CNTNAP5: variants seen among roughly 807,000 people sequenced by gnomAD.
The protein encoded by CNTNAP5 is contactin associated protein family member 5, also known as contactin-associated protein-like 5.
CNTNAP5 carries 72 observed loss-of-function variants against 150.2 expected under a neutral mutation model. The ratio of observed to expected loss-of-function variants is 0.48; its 90% CI spans 0.40 to 0.58. CNTNAP5 has a LOEUF of 0.58. CNTNAP5 is among the 20% of genes least tolerant of loss of function. CNTNAP5 has a pLI of 0.00. For missense variants in CNTNAP5, 1,636 were observed against 1,626.2 expected (o/e 1.01, Z -0.10); for synonymous variants, 672 against 619.8 (o/e 1.08, Z -1.25).
chr2:124,025,520 A>G lies in CNTNAP5; in HGVS notation c.-131A>G. On this transcript the variant is annotated 5_prime_UTR_variant, in exon 1 of 24. Transcript: ENST00000682447. ...GCGTCTGGGCACGGGATGGAGTGAAAGAGCGAGTGCCTCTCCAAGCGGGGG... is the reference window on the plus strand; with the variant it reads ...GCGTCTGGGCACGGGATGGAGTGAAGGAGCGAGTGCCTCTCCAAGCGGGGG... 1 of 720,804 alleles carries G rather than the reference A, an allele frequency of 1.4e-6. No individual in the cohort carries two copies. The highest frequency in any genetic ancestry group is 2.4e-6 in the Non-Finnish European group (1 of 410,766). The allele number at this position is 720,804 out of a possible 1,614,324, so 44.7% of individuals were successfully genotyped here.
chr2:124,025,705 T>C lies in CNTNAP5; in HGVS notation c.55T>C (p.Trp19Arg), dbSNP rs1167264055. The C allele has an allele frequency of 6.2e-7, 1 of 1,613,620 alleles. No homozygotes were observed. The highest frequency in any genetic ancestry group is 1.1e-5 in the South Asian group (1 of 91,066). Reference protein sequence around the residue: ...SVLTLLFSGLWHLGLTATNYN... With the variant: ...SVLTLLFSGLRHLGLTATNYN... ...TTTGACTTTGCTGTTCTCTGGCTTG[T>C]GGCATTTAGGATTAACAGCGACAAA... The change falls in exon 1 of 24, where the codon TGG becomes CGG. Residue 19 changes from tryptophan to arginine, a missense_variant. Physicochemically the swap from Trp to Arg is moderately radical, Grantham distance 101. Coordinates refer to ENST00000682447, the MANE Select transcript of CNTNAP5 (RefSeq NM_001367498.1).
At chr2:124,533,717 CCTCT>C (rs999720710) in intron 10 of CNTNAP5, among the ~76,000 whole-genome samples, 4 of 152,160 alleles carry the variant, frequency 2.6e-5, no homozygotes, top group Non-Finnish European at 5.9e-5. Context: ...TCCTGATCTT[CCTCT>C]CTCAGCTCCT....
chr2:124,138,904 C>T (rs1684039226), intron 1 of CNTNAP5, among the ~76,000 whole-genome samples: 1 of 151,862 alleles, frequency 6.6e-6, no homozygotes, highest in Non-Finnish European at 1.5e-5. Context: ...CCATGTCCTG[C>T]CCATCAGTAG....
intron 11 of CNTNAP5, among the ~76,000 whole-genome samples, chr2:124,590,205 A>G (rs1467716038): frequency 6.6e-6 from 1 of 152,164 alleles, no homozygotes; most frequent in Non-Finnish European, 1.5e-5. Flanking sequence ...TTTATAAATT[A>G]CTAGGTCTCA....
chr2:124,592,920 A>G (rs1195289017), intron 11 of CNTNAP5, among the ~76,000 whole-genome samples: 2 of 151,594 alleles, frequency 1.3e-5, no homozygotes, highest in African/African-American at 4.8e-5. Context: ...TGTTTATTGT[A>G]TCTTTTGCCA....
At chr2:124,581,558 A>G (rs1309264113) in intron 11 of CNTNAP5, among the ~76,000 whole-genome samples, 1 of 152,230 alleles carries the variant, frequency 6.6e-6, no homozygotes, top group Non-Finnish European at 1.5e-5. Context: ...TTCAGGCGGC[A>G]GGGACTGAGA....
chr2:124,617,384 G>A (rs1242857695), intron 12 of CNTNAP5, among the ~76,000 whole-genome samples: 1 of 152,150 alleles, frequency 6.6e-6, no homozygotes, highest in African/African-American at 2.4e-5. Context: ...CCTGTAGGGT[G>A]AATCTCTTCT....
intron 13 of CNTNAP5, among the ~76,000 whole-genome samples, chr2:124,699,617 AG>A (rs1485704450): frequency 6.6e-6 from 1 of 152,166 alleles, no homozygotes; most frequent in Non-Finnish European, 1.5e-5. Context: ...TCACTGCTTC[AG>A]TAACCCATAC....
At chr2:124,526,401 C>A (rs1477424810) in intron 9 of CNTNAP5, among the ~76,000 whole-genome samples, 1 of 152,084 alleles carries the variant, frequency 6.6e-6, no homozygotes, top group East Asian at 1.9e-4. Context: ...GGGCTTCAGC[C>A]CAGCAGTGAC....
chr2:124,455,251 A>C (rs1341688862), intron 6 of CNTNAP5, among the ~76,000 whole-genome samples: 6 of 152,174 alleles, frequency 3.9e-5, no homozygotes, highest in Admixed American at 6.5e-5. Context: ...ACAAAAGATC[A>C]TTAAAGACTA....
chr2:124,069,988 A>G (rs1488887287), intron 1 of CNTNAP5, among the ~76,000 whole-genome samples: 1 of 152,186 alleles, frequency 6.6e-6, no homozygotes, highest in Non-Finnish European at 1.5e-5. Flanking sequence ...ACATTTTAAA[A>G]CATATATAGT....
intron 11 of CNTNAP5, among the ~76,000 whole-genome samples, chr2:124,605,743 C>A (rs1268824817): frequency 7.9e-6 from 1 of 126,268 alleles, no homozygotes; most frequent in South Asian, 2.8e-4. Flanking sequence ...TTGGACCTGG[C>A]GGAGGTTGCA....
chr2:124,763,812 T>C lies in CNTNAP5; in HGVS notation c.2362+13T>C. The C allele has an allele frequency of 1.2e-6, 2 of 1,612,610 alleles. No homozygotes were observed. The highest frequency in any genetic ancestry group is 1.7e-6 in the Non-Finnish European group (2 of 1,179,306). On this transcript the variant is annotated intron_variant, in intron 15 of 23. Coordinates refer to ENST00000682447, the MANE Select transcript of CNTNAP5 (RefSeq NM_001367498.1). ...TGCTATGGTGACCGTGAGTACAAAA[T>C]CGAAAGAAGCTTTCTCTCTGCATTA... is the stretch of plus-strand genomic sequence containing the variant.
chr2:124,075,001 A>G (rs1245396261), intron 1 of CNTNAP5, among the ~76,000 whole-genome samples: 1 of 152,134 alleles, frequency 6.6e-6, no homozygotes, highest in Non-Finnish European at 1.5e-5. Flanking sequence ...ATCAAACACA[A>G]TAATCAACAT....
At chr2:124,829,115 T>A (rs1300477696) in intron 19 of CNTNAP5, among the ~76,000 whole-genome samples, 1 of 152,152 alleles carries the variant, frequency 6.6e-6, no homozygotes, top group Non-Finnish European at 1.5e-5. Flanking sequence ...ATATAGTGAC[T>A]CGGGCAAGAG....
chr2:124,642,554 T>C (rs1187837346), intron 12 of CNTNAP5, among the ~76,000 whole-genome samples: 1 of 152,142 alleles, frequency 6.6e-6, no homozygotes, highest in Non-Finnish European at 1.5e-5. Flanking sequence ...AGGAAAAGAG[T>C]GCACAGACTT....
At chr2:124,315,345 T>C (rs1006001501) in intron 3 of CNTNAP5, among the ~76,000 whole-genome samples, 1 of 152,090 alleles carries the variant, frequency 6.6e-6, no homozygotes, top group South Asian at 2.1e-4. Context: ...GAAAACTTGA[T>C]TATATAATAT....
chr2:124,524,360 G>T lies in CNTNAP5; in HGVS notation c.1385G>T (p.Arg462Leu). The change falls in exon 9 of 24, where the codon CGC (arginine) becomes CTC (leucine). Residue 462 changes from arginine to leucine, a missense_variant. Transcript: ENST00000682447. ...GTTAGCATCAACGCCAGGAGGAACC[G>T]CATCACGCTCACTCTGGATGATGAA... The part of the protein sequence containing the change: ...HSVSINARRN[R>L]ITLTLDDEAA... The T allele has an allele frequency of 1.9e-6, 3 of 1,613,758 alleles. No homozygotes were observed. The highest frequency in any genetic ancestry group is 2.5e-6 in the Non-Finnish European group (3 of 1,179,790).
chr2:124,253,526 A>G (rs1182962779), intron 3 of CNTNAP5, among the ~76,000 whole-genome samples: 1 of 152,150 alleles, frequency 6.6e-6, no homozygotes, highest in Non-Finnish European at 1.5e-5. Flanking sequence ...AACAATTGCA[A>G]TTCTTCGAGA....
Sources: allele counts gnomAD v4.1 joint callset (sites outside exome capture counted in the v4.1 genomes callset), GRCh38; gene constraint gnomAD v4.1.1; transcripts MANE v1.5; gene names NCBI Gene and HGNC (gene_info 2026-07-23, HGNC 2026-07-21).